Variants in MBNL2 observed in about 807,000 individuals in gnomAD.
The protein encoded by MBNL2 is muscleblind like splicing regulator 2, also known as muscleblind-like protein 2.
A neutral mutation model predicts 41.9 loss-of-function variants in MBNL2; 17 were observed. The ratio of observed to expected loss-of-function variants is 0.41; its 90% CI spans 0.28 to 0.61. The LOEUF (loss-of-function observed/expected upper bound fraction) is 0.61, where lower values mean the gene tolerates loss of function less well. Among genes scored for constraint, MBNL2 ranks in the 20% least tolerant of loss-of-function variants. The pLI, the probability that MBNL2 is intolerant of heterozygous loss-of-function variation, is 0.35. For missense variants in MBNL2, 336 were observed against 505.6 expected, an observed-to-expected ratio of 0.66 and a Z score of 3.22; for synonymous variants, 195 against 182.9, an observed-to-expected ratio of 1.07 and a Z score of -0.53.
intron 2 of MBNL2, among the ~76,000 whole-genome samples, chr13:97,327,663 C>T (rs574215461): frequency 2.0e-5 from 3 of 150,862 alleles, no homozygotes; most frequent in African/African-American, 7.3e-5. Context: ...GCTTTACACT[C>T]TAGATAAGTC....
intron 2 of MBNL2, among the ~76,000 whole-genome samples, chr13:97,314,048 T>G (rs144302595): frequency 1.1e-3 from 169 of 152,248 alleles, no homozygotes; most frequent in African/African-American, 3.6e-3. Flanking sequence ...TCAATCAGAG[T>G]AAAAGCCAAA....
chr13:97,166,782 TGATAGATAGATAGATAGATAGATAGATA>T, the MBNL2 span, among the ~76,000 whole-genome samples: 5 of 139,880 alleles, frequency 3.6e-5, no homozygotes, highest in Non-Finnish European at 6.1e-5. Flanking sequence ...AAACTTCCCT[TGATAGATAGATAGATAGATAGATAGATA>T]GATAGATAGA....
intron 2 of MBNL2, among the ~76,000 whole-genome samples, chr13:97,296,539 T>C (rs2057041111): frequency 6.6e-6 from 1 of 152,186 alleles, no homozygotes; most frequent in African/African-American, 2.4e-5. Context: ...GCTCAGCACA[T>C]TAATATGCTA....
the MBNL2 span, among the ~76,000 whole-genome samples, chr13:97,200,409 C>T: frequency 6.6e-6 from 1 of 152,178 alleles, no homozygotes; most frequent in Non-Finnish European, 1.5e-5. Context: ...TCTCTTGTGG[C>T]AAGTACTAAC....
the MBNL2 span, among the ~76,000 whole-genome samples, chr13:97,208,457 G>T: frequency 1.3e-5 from 2 of 152,178 alleles, no homozygotes; most frequent in Non-Finnish European, 2.9e-5. Flanking sequence ...GCTTGGCCCA[G>T]ATTGTACAAT....
At position 97,367,411 on chromosome 13, in the gene MBNL2, G is replaced by C. The variant is rs1594274800; in HGVS notation, c.1048+2240G>C. Among the ~76,000 whole-genome samples the C allele has an allele frequency of 9.8e-5, 15 of 152,296 alleles. 1 individual carries two copies. In the South Asian group the frequency reaches 3.1e-3, roughly 32 times the overall value. On this transcript the variant is annotated intron_variant, in intron 8 of 8. Transcript: ENST00000679496. ...TTGCGCATGCCCTCCCTTCACAGAA[G>C]AACAATTTTGGTTTGGTTTTTAGTT... is the stretch of plus-strand genomic sequence containing the variant.
chr13:97,152,951 G>C, the MBNL2 span, among the ~76,000 whole-genome samples: 1 of 152,154 alleles, frequency 6.6e-6, no homozygotes, highest in Admixed American at 6.6e-5. Flanking sequence ...ATTAACTCTA[G>C]ATTGGAGCAG....
intron 1 of MBNL2, among the ~76,000 whole-genome samples, chr13:97,232,391 T>C (rs1466984331): frequency 1.3e-5 from 2 of 152,224 alleles, no homozygotes; most frequent in Admixed American, 6.5e-5. Context: ...CTTTTAGGAA[T>C]GAAACAGAAC....
chr13:97,363,667 A>G (rs1259846459), intron 7 of MBNL2, among the ~76,000 whole-genome samples: 2 of 152,170 alleles, frequency 1.3e-5, no homozygotes, highest in African/African-American at 4.8e-5. Context: ...AAGACTCAGT[A>G]GGGATAGGGA....
At chr13:97,293,477 C>T (rs1214141172) in intron 2 of MBNL2, among the ~76,000 whole-genome samples, 4 of 152,170 alleles carry the variant, frequency 2.6e-5, no homozygotes, top group Admixed American at 6.5e-5. Flanking sequence ...GTACATGACA[C>T]TTGAGAAGAT....
chr13:97,279,198 G>C (rs1474473115), intron 2 of MBNL2, among the ~76,000 whole-genome samples: 1 of 152,238 alleles, frequency 6.6e-6, no homozygotes, highest in Non-Finnish European at 1.5e-5. Flanking sequence ...GAGAGAACCA[G>C]TGTGCAATAC....
chr13:97,215,751 AT>A, the MBNL2 span, among the ~76,000 whole-genome samples: 1 of 152,184 alleles, frequency 6.6e-6, no homozygotes, highest in Non-Finnish European at 1.5e-5. Flanking sequence ...ATTAGGTATT[AT>A]TTTTGGCCTA....
chr13:97,284,039 A>G (rs1174733306), intron 2 of MBNL2, among the ~76,000 whole-genome samples: 1 of 152,194 alleles, frequency 6.6e-6, no homozygotes, highest in Non-Finnish European at 1.5e-5. Flanking sequence ...AGATGCCTAC[A>G]TTCTAGCCCA....
intron 2 of MBNL2, among the ~76,000 whole-genome samples, chr13:97,324,974 C>T (rs1246398906): frequency 6.6e-6 from 1 of 152,154 alleles, no homozygotes; most frequent in East Asian, 1.9e-4. Flanking sequence ...GGGTCTGCCT[C>T]TCCCAGTCCA....
chr13:97,382,850 C>CT (rs1483918075), intron 8 of MBNL2, among the ~76,000 whole-genome samples: 3 of 151,080 alleles, frequency 2.0e-5, no homozygotes, highest in African/African-American at 7.3e-5. Context: ...CAGGGTTTCA[C>CT]TTTTTTTTTC....
intron 7 of MBNL2, among the ~76,000 whole-genome samples, chr13:97,361,754 C>A (rs969629995): frequency 1.2e-4 from 16 of 129,022 alleles, no homozygotes; most frequent in Non-Finnish European, 2.3e-4. Flanking sequence ...TTTTTATAGG[C>A]GTAATTTTTT....
intron 2 of MBNL2, among the ~76,000 whole-genome samples, chr13:97,306,215 C>T (rs963767038): frequency 2.0e-5 from 3 of 152,234 alleles, no homozygotes; most frequent in African/African-American, 7.2e-5. Flanking sequence ...GTCCAGTCTT[C>T]CTCACCACCA....
At chr13:97,157,109 C>T in the MBNL2 span, among the ~76,000 whole-genome samples, 1 of 147,624 alleles carries the variant, frequency 6.8e-6, no homozygotes, top group Admixed American at 6.8e-5. Context: ...AGGTCCTTCA[C>T]ATCCCTTGTA....
At chr13:97,196,679 C>T in the MBNL2 span, among the ~76,000 whole-genome samples, 9 of 151,996 alleles carry the variant, frequency 5.9e-5, no homozygotes, top group South Asian at 2.1e-4. Flanking sequence ...CCTGAGTGTC[C>T]GGGTGATGAA....
Sources: allele counts gnomAD v4.1 joint callset (sites outside exome capture counted in the v4.1 genomes callset), GRCh38; gene constraint gnomAD v4.1.1; transcripts MANE v1.5; gene names NCBI Gene and HGNC (gene_info 2026-07-23, HGNC 2026-07-21).